Variants in PPP4R3B observed in about 807,000 individuals in gnomAD.
PPP4R3B encodes serine/threonine-protein phosphatase 4 regulatory subunit 3B.
Under a neutral mutation model 95.4 loss-of-function variants are expected in PPP4R3B, and 52 were observed. That is an observed-to-expected ratio of 0.54 (90% CI 0.44 to 0.69). The LOEUF (loss-of-function observed/expected upper bound fraction) is 0.69, where lower values mean the gene tolerates loss of function less well. Ranked by LOEUF, PPP4R3B falls within the 30% of genes least tolerant of loss-of-function variation. PPP4R3B has a pLI of 0.00. For synonymous variants in PPP4R3B, 407 were observed against 343.9 expected (o/e 1.18, Z -2.03); for missense variants, 1,003 against 1,005.9 (o/e 1.00, Z 0.04).
intron 16 of PPP4R3B, among the ~76,000 whole-genome samples, chr2:55,554,973 G>T (rs1435424158): frequency 3.3e-5 from 5 of 152,134 alleles, no homozygotes; most frequent in Non-Finnish European, 5.9e-5. Context: ...ATATCCAGTT[G>T]TAACATTTAT....
chr2:55,573,854 ATGT>A, intron 11 of PPP4R3B, 77 bp from the exon 12 acceptor site: 1 of 820,282 alleles, frequency 1.2e-6, no homozygotes, highest in Non-Finnish European at 1.7e-6. Context: ...TACATCCTAT[ATGT>A]TATAACAAAA....
In PPP4R3B at chr2:55,598,990, T is replaced by C; in HGVS notation, c.347A>G (p.Glu116Gly). The C allele has an allele frequency of 6.2e-7, 1 of 1,614,080 alleles. No individual in the cohort carries two copies. Among genetic ancestry groups the C allele is most frequent in the African/African-American group, 1.3e-5 (1 of 75,062 alleles). The change falls in exon 4 of 17, where the codon GAA becomes GGA. Residue 116 changes from glutamate to glycine, a missense_variant. Glu to Gly is a moderately conservative substitution (Grantham distance 98). This residue lies in a region of PPP4R3B where 695 missense variants were observed against 686.2 expected (regional missense o/e 1.01). Transcript: ENST00000616407. ...SVEVTQDLID[E>G]SEEERFEEMP... ...TTCTTCAAATCGTTCTTCTTCAGAT[T>C]CATCAATGAGGTCCTGTGTGACTTC... is the stretch of plus-strand genomic sequence containing the variant.
In PPP4R3B at chr2:55,588,922, T is replaced by C; in HGVS notation, c.956A>G (p.Gln319Arg). ...DEKFLSEVFA[Q>R]LTDEATDDDK... ...ATCATCTGTAGCCTCATCTGTTAAT[T>C]GTGCAAAAACTTCAGACAAAAACTT... Residue 319 changes from glutamine (Q) to arginine (R), a missense_variant, in exon 5 of 17, where the codon CAA becomes CGA. Coordinates refer to ENST00000616407, the MANE Select transcript of PPP4R3B (RefSeq NM_001122964.3). 1 of 1,610,586 alleles carries C rather than the reference T, an allele frequency of 6.2e-7. No individual in the cohort carries two copies. Among genetic ancestry groups the C allele is most frequent in the Non-Finnish European group, 8.5e-7 (1 of 1,178,058 alleles).
chr2:55,556,966 G>C (rs1420886152), intron 16 of PPP4R3B, among the ~76,000 whole-genome samples: 4 of 152,200 alleles, frequency 2.6e-5, no homozygotes, highest in Admixed American at 2.6e-4. Flanking sequence ...GGGAGGCTGA[G>C]GTGGGAGGAT....
chr2:55,561,348 G>T (rs903677520), intron 15 of PPP4R3B, among the ~76,000 whole-genome samples: 1 of 152,226 alleles, frequency 6.6e-6, no homozygotes, highest in African/African-American at 2.4e-5. Context: ...GAGCTCTTAT[G>T]AAGAACCTCT....
intron 7 of PPP4R3B, among the ~76,000 whole-genome samples, chr2:55,583,022 T>C (rs902762943): frequency 1.3e-5 from 2 of 152,122 alleles, no homozygotes; most frequent in African/African-American, 4.8e-5. Context: ...TTTCCTTTCA[T>C]CTTAATACAT....
chr2:55,608,931 A>C (rs574278064), intron 2 of PPP4R3B, among the ~76,000 whole-genome samples: 1 of 152,192 alleles, frequency 6.6e-6, no homozygotes, highest in African/African-American at 2.4e-5. Flanking sequence ...CGTGAGACTT[A>C]ATCATGCCAC....
At chr2:55,588,837 A>G in intron 5 of PPP4R3B, 42 bp downstream of exon 5, 1 of 1,377,724 alleles carries the variant, frequency 7.3e-7, no homozygotes, top group East Asian at 2.3e-5. Context: ...GTGCATGCCA[A>G]AAGAATAAGT....
intron 16 of PPP4R3B, 67 bp from the exon 17 acceptor site, chr2:55,550,073 C>T (rs921344379): frequency 1.7e-5 from 16 of 961,286 alleles, no homozygotes; most frequent in Admixed American, 7.1e-5. Context: ...AGTACAAATA[C>T]AATCACTTGT....
At chr2:55,603,159 G>C (rs1279558808) in intron 3 of PPP4R3B, among the ~76,000 whole-genome samples, 1 of 152,086 alleles carries the variant, frequency 6.6e-6, no homozygotes, top group East Asian at 1.9e-4. Context: ...CACCATGTTA[G>C]CCAGGGTGGT....
At chr2:55,600,336 G>A (rs1474037101) in intron 3 of PPP4R3B, among the ~76,000 whole-genome samples, 7 of 139,988 alleles carry the variant, frequency 5.0e-5, no homozygotes, top group African/African-American at 1.6e-4. Context: ...TGAGGCAGCA[G>A]AACTGCTTGA....
chr2:55,565,122 C>T lies in PPP4R3B; in HGVS notation c.1936-81G>A, dbSNP rs1201188028. ...AACTTTAAAATTTTGTTTTGTAGTT[C>T]TAAAGCTGATCAAAAAAGGTTTTTC... On this transcript the variant is annotated intron_variant, in intron 13 of 16. Transcript: ENST00000616407. 6.2e-6 allele frequency: 7 copies of T among 1,133,760 alleles called. No individual in the cohort carries two copies. In the African/African-American group the frequency reaches 1.1e-4, roughly 18 times the overall value. The allele number at this position is 1,133,760 out of a possible 1,614,324, so 70.2% of individuals were successfully genotyped here. A position where few individuals can be genotyped will look rare whatever the true frequency, so the allele number is the denominator to read the frequency against.
chr2:55,607,371 G>A (rs1460129755), intron 2 of PPP4R3B, among the ~76,000 whole-genome samples: 1 of 152,172 alleles, frequency 6.6e-6, no homozygotes, highest in Non-Finnish European at 1.5e-5. Context: ...AGCCTGCGTT[G>A]TTTTACCTGT....
chr2:55,615,979 C>G (rs1694869051), intron 1 of PPP4R3B, among the ~76,000 whole-genome samples: 1 of 138,784 alleles, frequency 7.2e-6, no homozygotes, highest in Non-Finnish European at 1.5e-5. Flanking sequence ...CACATTTTCT[C>G]TCCAAATCTA....
At chr2:55,583,377 A>G (rs1689683796) in intron 7 of PPP4R3B, among the ~76,000 whole-genome samples, 1 of 152,182 alleles carries the variant, frequency 6.6e-6, no homozygotes, top group Admixed American at 6.5e-5. Context: ...AAGAAAAAAA[A>G]ACACTGAGAA....
At chr2:55,581,541 ATTT>A in intron 8 of PPP4R3B, 23 bp downstream of exon 8, 1 of 1,600,250 alleles carries the variant, frequency 6.2e-7, no homozygotes, top group South Asian at 1.1e-5. Context: ...AGGCCAAAAC[ATTT>A]TTATCTCAGA....
At chr2:55,553,454 G>T (rs149557140) in intron 16 of PPP4R3B, among the ~76,000 whole-genome samples, 1 of 152,268 alleles carries the variant, frequency 6.6e-6, no homozygotes, top group East Asian at 1.9e-4. Flanking sequence ...TTTTTAAAGT[G>T]TATAATTTTC....
intron 2 of PPP4R3B, among the ~76,000 whole-genome samples, chr2:55,608,073 T>G (rs1230305823): frequency 6.6e-6 from 1 of 152,194 alleles, no homozygotes; most frequent in Admixed American, 6.5e-5. Flanking sequence ...TGGTGCAATC[T>G]TGGCTCACTG....
At chr2:55,574,460 A>G (rs561249130) in intron 11 of PPP4R3B, among the ~76,000 whole-genome samples, 1 of 152,242 alleles carries the variant, frequency 6.6e-6, no homozygotes, top group Admixed American at 6.5e-5. Context: ...CATTGTTAAA[A>G]AATACTTAAA....
Sources: allele counts gnomAD v4.1 joint callset (sites outside exome capture counted in the v4.1 genomes callset), GRCh38; gene constraint gnomAD v4.1.1; regional missense constraint gnomAD v4.1.1; transcripts MANE v1.5; gene names NCBI Gene and HGNC (gene_info 2026-07-23, HGNC 2026-07-21).